Variants in ZNF215 observed in about 807,000 individuals in gnomAD.
ZNF215 encodes zinc finger protein 215, also known as BWSCR2-associated zinc finger protein 2.
ZNF215 carries 24 observed loss-of-function variants against 27.2 expected under a neutral mutation model. The observed-to-expected ratio is 0.88, with a 90% CI of 0.64 to 1.24. The LOEUF (loss-of-function observed/expected upper bound fraction) is 1.24, where lower values mean the gene tolerates loss of function less well. Ranked by LOEUF, ZNF215 falls within the 50% of genes most tolerant of loss-of-function variation. ZNF215 has a pLI of 0.00. For synonymous variants in ZNF215, 210 were observed against 204.0 expected, an observed-to-expected ratio of 1.03 and a Z score of -0.25; for missense variants, 675 against 605.7, an observed-to-expected ratio of 1.11 and a Z score of -1.20.
intron 5 of ZNF215, among the ~76,000 whole-genome samples, chr11:6,979,476 G>C (rs1292761619): frequency 1.3e-5 from 2 of 151,986 alleles, no homozygotes. Context: ...CTGTTTATAA[G>C]TACTTGCTCT....
intron 5 of ZNF215, among the ~76,000 whole-genome samples, chr11:6,979,774 C>T (rs193283426): frequency 1.8e-3 from 269 of 151,928 alleles, no homozygotes; most frequent in African/African-American, 4.0e-3. Context: ...GTCAAAATGA[C>T]GTAATGACTT....
intron 6 of ZNF215, among the ~76,000 whole-genome samples, chr11:6,994,055 C>G (rs936651825): frequency 6.6e-6 from 1 of 151,980 alleles, no homozygotes; most frequent in African/African-American, 2.4e-5. Context: ...GTCTAGTGTT[C>G]CTAAGTACAA....
In ZNF215 at chr11:6,932,692, A is replaced by G; in HGVS notation, c.400+20A>G. 1 of 1,579,482 alleles carries G rather than the reference A, an allele frequency of 6.3e-7. No individual in the cohort carries two copies. The highest frequency in any genetic ancestry group is 8.6e-7 in the Non-Finnish European group (1 of 1,164,534). ...ATGAAGGTAAGAATATAAAGAAATT[A>G]GAGGTAAAATACTTGACCTTTCCCA... On this transcript the variant is annotated intron_variant, in intron 3 of 6. Coordinates refer to ENST00000278319, the MANE Select transcript of ZNF215 (RefSeq NM_013250.4).
At chr11:6,927,010 G>GC (rs1209423997) in intron 1 of ZNF215, 1 of 152,232 alleles carries the variant, frequency 6.6e-6, no homozygotes, top group Non-Finnish European at 1.5e-5. Flanking sequence ...CTCCGCTAAA[G>GC]CAAGGATTTA....
At chr11:6,939,457 A>G (rs1027165674) in intron 3 of ZNF215, among the ~76,000 whole-genome samples, 1 of 152,180 alleles carries the variant, frequency 6.6e-6, no homozygotes, top group Non-Finnish European at 1.5e-5. Flanking sequence ...ATATTACAGC[A>G]TCAAGAACAG....
In ZNF215 at chr11:6,945,822, C is replaced by A. The variant is rs181358191; in HGVS notation, c.712+2181C>A. Among the ~76,000 whole-genome samples the A allele has an allele frequency of 4.6e-3, 695 of 152,264 alleles. 9 individuals carry two copies. Among genetic ancestry groups the A allele is most frequent in the African/African-American group, 0.016 (660 of 41,550 alleles). On this transcript the variant is annotated intron_variant, in intron 6 of 6. Coordinates refer to ENST00000278319, the MANE Select transcript of ZNF215 (RefSeq NM_013250.4). ...CTTCCCTAGTTTATTACATCCACAA[C>A]TAAAACTTAAATTATTTCACATATA... is the stretch of plus-strand genomic sequence containing the variant.
chr11:6,992,360 A>G (rs1432467168), downstream of ZNF215, among the ~76,000 whole-genome samples: 1 of 152,212 alleles, frequency 6.6e-6, no homozygotes, highest in Non-Finnish European at 1.5e-5. Context: ...TAATTAATAT[A>G]TTGTCAAAGT....
chr11:6,943,355 T>C (rs1353580557), intron 5 of ZNF215, 140 bp downstream of exon 5: 2 of 1,344,174 alleles, frequency 1.5e-6, no homozygotes, highest in African/African-American at 1.5e-5. Context: ...CAGTAGCAGA[T>C]TTTCTGACTC....
chr11:6,981,784 T>C (rs1448304262), intron 5 of ZNF215, among the ~76,000 whole-genome samples: 3 of 152,108 alleles, frequency 2.0e-5, no homozygotes, highest in South Asian at 2.1e-4. Context: ...TTAATTTTTG[T>C]ATAAGGTGTA....
chr11:6,936,653 A>T lies in ZNF215; in HGVS notation c.400+3981A>T, dbSNP rs75643433. 4.9e-4 allele frequency among the ~76,000 whole-genome samples: 74 copies of T among 152,206 alleles called. No individual in the cohort carries two copies. In the East Asian group the frequency reaches 0.014, roughly 28 times the overall value. Reference sequence around the variant, plus strand: ...GTGAGGCAAGTATTAATCTGATGCCAAAGCCAGACAAAGACATCACAACAA... The same window carrying T: ...GTGAGGCAAGTATTAATCTGATGCCTAAGCCAGACAAAGACATCACAACAA... On this transcript the variant is annotated intron_variant, in intron 3 of 6. Transcript: ENST00000278319.
downstream of ZNF215, among the ~76,000 whole-genome samples, chr11:6,961,013 C>T (rs1850506287): frequency 6.6e-6 from 1 of 152,076 alleles, no homozygotes; most frequent in Admixed American, 6.6e-5. Flanking sequence ...GTTGCTCTTT[C>T]TGGTGTTTCC....
chr11:6,953,189 T>G (rs563821693), intron 6 of ZNF215, among the ~76,000 whole-genome samples: 1 of 152,286 alleles, frequency 6.6e-6, no homozygotes, highest in African/African-American at 2.4e-5. Context: ...ATTTCAACTT[T>G]GGTGAATCTG....
chr11:6,981,819 C>A (rs1241251702), intron 5 of ZNF215, among the ~76,000 whole-genome samples: 1 of 151,922 alleles, frequency 6.6e-6, no homozygotes, highest in Admixed American at 6.6e-5. Flanking sequence ...TTTCAGCTTT[C>A]TACATATGGC....
chr11:6,979,619 G>A (rs1410469668), intron 5 of ZNF215, among the ~76,000 whole-genome samples: 1 of 151,948 alleles, frequency 6.6e-6, no homozygotes, highest in Admixed American at 6.6e-5. Flanking sequence ...GTAGAAGAAG[G>A]AGGTTAAGTA....
chr11:6,956,375 C>T lies in ZNF215; in HGVS notation c.1398C>T (p.Asn466=), dbSNP rs1211419039. Residue 466 remains asparagine, a synonymous_variant, in exon 7 of 7, where the codon AAC becomes AAT. Transcript: ENST00000278319. ...GAAACAATTTCTATCAATGTGTTAA[C>T]TGTGGAAAATCCTTCAACCGGAGCT... The part of the protein sequence containing the change: ...HFGNNFYQCV[N]CGKSFNRSSS... 1.2e-6 allele frequency: 2 copies of T among 1,614,028 alleles called. No homozygotes were observed. The highest frequency in any genetic ancestry group is 1.7e-6 in the Non-Finnish European group (2 of 1,180,014).
intron 5 of ZNF215, among the ~76,000 whole-genome samples, chr11:6,965,739 T>C (rs1401152711): frequency 2.0e-5 from 3 of 152,220 alleles, no homozygotes; most frequent in Non-Finnish European, 4.4e-5. Flanking sequence ...TTATTTCATA[T>C]TGACTTAGCT....
At chr11:6,931,930 G>A (rs1196260628) in intron 2 of ZNF215, among the ~76,000 whole-genome samples, 164 bp from the exon 3 acceptor site, 1 of 152,128 alleles carries the variant, frequency 6.6e-6, no homozygotes, top group Non-Finnish European at 1.5e-5. Flanking sequence ...TTGGGAAACT[G>A]GTTAGGAGAA....
chr11:6,943,791 C>T (rs1849719252), intron 6 of ZNF215, 150 bp downstream of exon 6: 1 of 683,336 alleles, frequency 1.5e-6, no homozygotes, highest in South Asian at 1.8e-5. Flanking sequence ...CGCTTTTGTT[C>T]ACAGGTTCTT....
At chr11:6,933,474 T>C (rs1048967940) in intron 3 of ZNF215, among the ~76,000 whole-genome samples, 1 of 152,090 alleles carries the variant, frequency 6.6e-6, no homozygotes, top group African/African-American at 2.4e-5. Flanking sequence ...ATACAAATCC[T>C]TAGGGAGCAT....
Sources: gnomAD v4.1 joint callset for allele counts (sites outside exome capture counted in the v4.1 genomes callset) on GRCh38, gnomAD v4.1.1 for gene constraint, MANE v1.5 for transcripts, NCBI Gene and HGNC (gene_info 2026-07-23, HGNC 2026-07-21) for gene names.